The following ADGRB3 variants were observed in gnomAD, a reference collection of about 807,000 sequenced individuals.
ADGRB3 encodes the protein adhesion G protein-coupled receptor B3.
Under a neutral mutation model 193.4 loss-of-function variants are expected in ADGRB3, and 37 were observed. That is an observed-to-expected ratio of 0.19 (90% CI 0.15 to 0.25). The LOEUF (loss-of-function observed/expected upper bound fraction) is 0.25, where lower values mean the gene tolerates loss of function less well. Among genes scored for constraint, ADGRB3 ranks in the 10% least tolerant of loss-of-function variants. The probability of loss-of-function intolerance (pLI) is 1.00; values close to 1 mark genes in which losing one functional copy is unlikely to be tolerated. For missense variants in ADGRB3, 1,637 were observed against 1,852.9 expected (o/e 0.88, Z 2.14); for synonymous variants, 690 against 644.2 (o/e 1.07, Z -1.08).
At chr6:68,659,798 C>T (rs1768581017) in intron 3 of ADGRB3, among the ~76,000 whole-genome samples, 1 of 150,994 alleles carries the variant, frequency 6.6e-6, no homozygotes, top group Admixed American at 6.6e-5. Flanking sequence ...TTGTTTTGAA[C>T]ATCTGGTTAA....
At chr6:69,266,615 AT>A (rs1440708958) in intron 20 of ADGRB3, among the ~76,000 whole-genome samples, 1 of 152,042 alleles carries the variant, frequency 6.6e-6, no homozygotes, top group Non-Finnish European at 1.5e-5. Context: ...CTATTAGACT[AT>A]TTTAAAAGCC....
intron 17 of ADGRB3, among the ~76,000 whole-genome samples, chr6:69,181,544 G>C (rs1775584136): frequency 6.6e-6 from 1 of 151,962 alleles, no homozygotes; most frequent in Non-Finnish European, 1.5e-5. Flanking sequence ...AATTATCTTT[G>C]AATTTTTTGG....
intron 17 of ADGRB3, among the ~76,000 whole-genome samples, chr6:69,164,605 T>G (rs752218093): frequency 3.3e-5 from 5 of 152,070 alleles, no homozygotes; most frequent in Non-Finnish European, 7.4e-5. Flanking sequence ...TAGAAGCCCA[T>G]GTAGGTAAGT....
At chr6:68,729,673 C>T (rs1416204883) in intron 3 of ADGRB3, among the ~76,000 whole-genome samples, 5 of 151,512 alleles carry the variant, frequency 3.3e-5, no homozygotes, top group South Asian at 4.1e-4. Flanking sequence ...GCCAAAATTT[C>T]GATTATTGCT....
intron 3 of ADGRB3, among the ~76,000 whole-genome samples, chr6:68,835,856 G>A (rs1215963521): frequency 6.6e-6 from 1 of 151,960 alleles, no homozygotes; most frequent in East Asian, 1.9e-4. Context: ...TTGTTTAGTG[G>A]ATTATTTATT....
chr6:69,379,791 C>CA lies in ADGRB3; in HGVS notation c.4276-3039dup, dbSNP rs1769906643. 3.3e-5 allele frequency among the ~76,000 whole-genome samples: 5 copies of CA among 151,914 alleles called. No individual in the cohort carries two copies. In the East Asian group the frequency reaches 9.7e-4, roughly 29 times the overall value. ...GTTATTTCTGGCAGTGCCAAGGTGG[C>CA]AGTTTCAAATTAGAATGAATATTTG... On this transcript the variant is annotated intron_variant, in intron 30 of 31. Coordinates refer to ENST00000370598, the MANE Select transcript of ADGRB3 (RefSeq NM_001704.3).
chr6:69,106,227 T>C (rs953198615), intron 17 of ADGRB3, among the ~76,000 whole-genome samples: 1 of 147,944 alleles, frequency 6.8e-6, no homozygotes, highest in Non-Finnish European at 1.5e-5. Flanking sequence ...GAAAATAAAT[T>C]TGTTATGTTA....
intron 15 of ADGRB3, among the ~76,000 whole-genome samples, chr6:69,062,508 G>A (rs546030679): frequency 1.3e-5 from 2 of 151,360 alleles, no homozygotes; most frequent in African/African-American, 2.4e-5. Context: ...ATGTGTTTTG[G>A]GATAATCCAT....
intron 20 of ADGRB3, among the ~76,000 whole-genome samples, chr6:69,261,133 A>G (rs1251024844): frequency 6.6e-6 from 1 of 152,166 alleles, no homozygotes; most frequent in East Asian, 1.9e-4. Flanking sequence ...TGTCACACAC[A>G]AAAATACAAG....
At chr6:68,972,941 G>T (rs1320075012) in intron 8 of ADGRB3, among the ~76,000 whole-genome samples, 3 of 152,112 alleles carry the variant, frequency 2.0e-5, no homozygotes, top group Non-Finnish European at 4.4e-5. Flanking sequence ...CTAAGATGAG[G>T]TTTGTTGGTA....
chr6:68,943,934 G>A lies in ADGRB3; in HGVS notation c.1135G>A (p.Gly379Arg). The change falls in exon 6 of 32, where the codon GGA becomes AGA. Residue 379 changes from glycine to arginine, a missense_variant. Transcript: ENST00000370598. ...GTCATGCACACCTCCTCAGTATGGAGGAAGGCCGTGTGAAGGACCTGAAAC... is the reference window on the plus strand; with the variant it reads ...GTCATGCACACCTCCTCAGTATGGAAGAAGGCCGTGTGAAGGACCTGAAAC... ...TRSCTPPQYG[G>R]RPCEGPETHH... The A allele has an allele frequency of 6.2e-7, 1 of 1,613,942 alleles. No individual in the cohort carries two copies. Among genetic ancestry groups the A allele is most frequent in the Non-Finnish European group, 8.5e-7 (1 of 1,179,870 alleles).
chr6:68,859,398 G>A (rs946742225), intron 3 of ADGRB3, among the ~76,000 whole-genome samples: 63 of 152,172 alleles, frequency 4.1e-4, no homozygotes, highest in African/African-American at 1.5e-3. Flanking sequence ...CCACATTTTT[G>A]GGTATCTTTT....
At chr6:69,112,630 A>G (rs371314566) in intron 17 of ADGRB3, among the ~76,000 whole-genome samples, 1 of 152,236 alleles carries the variant, frequency 6.6e-6, no homozygotes, top group Non-Finnish European at 1.5e-5. Context: ...TTCCACATCC[A>G]TTGATTCAAC....
intron 3 of ADGRB3, among the ~76,000 whole-genome samples, chr6:68,701,922 T>A (rs1430627461): frequency 1.3e-5 from 2 of 152,142 alleles, no homozygotes; most frequent in African/African-American, 4.8e-5. Context: ...ATATGAAGAT[T>A]TTAGATTTTT....
chr6:68,663,505 T>C (rs1438615179), intron 3 of ADGRB3, among the ~76,000 whole-genome samples: 2 of 151,796 alleles, frequency 1.3e-5, no homozygotes, highest in African/African-American at 4.8e-5. Context: ...CCTTTTTAAA[T>C]TGTGTATATT....
At chr6:69,386,715 G>T (rs1009443204) in intron 31 of ADGRB3, among the ~76,000 whole-genome samples, 1 of 151,970 alleles carries the variant, frequency 6.6e-6, no homozygotes, top group African/African-American at 2.4e-5. Context: ...TTACTTCCCA[G>T]TGTGTCATTC....
chr6:69,004,132 G>A (rs1400585710), intron 11 of ADGRB3, among the ~76,000 whole-genome samples: 2 of 152,114 alleles, frequency 1.3e-5, no homozygotes, highest in East Asian at 1.9e-4. Context: ...ATATTCTACT[G>A]TTTTAAAAAG....
At position 68,736,297 on chromosome 6, in the gene ADGRB3, C is replaced by T. The variant is rs114809253; in HGVS notation, c.757+96865C>T. Among the ~76,000 whole-genome samples, 688 of 152,182 alleles carry T rather than the reference C, an allele frequency of 4.5e-3. 4 individuals are homozygous for T. The highest frequency in any genetic ancestry group is 0.015 in the African/African-American group (625 of 41,542). On this transcript the variant is annotated intron_variant, in intron 3 of 31. Transcript: ENST00000370598. Reference sequence around the variant, plus strand: ...GCCTCTCCAGTGCTAGAACTAGAGGCGTGATCCGCCATGCCCAGCCAGAAA... The same window carrying T: ...GCCTCTCCAGTGCTAGAACTAGAGGTGTGATCCGCCATGCCCAGCCAGAAA...
intron 17 of ADGRB3, among the ~76,000 whole-genome samples, chr6:69,177,116 A>C (rs1775448158): frequency 6.6e-6 from 1 of 151,936 alleles, no homozygotes; most frequent in Admixed American, 6.5e-5. Context: ...TTTGGGTCTC[A>C]GTTTTGTTCA....
Sources: gnomAD v4.1 joint callset for allele counts (sites outside exome capture counted in the v4.1 genomes callset) on GRCh38, gnomAD v4.1.1 for gene constraint, MANE v1.5 for transcripts, NCBI Gene and HGNC (gene_info 2026-07-23, HGNC 2026-07-21) for gene names.